UGGT2: variants seen among roughly 807,000 people sequenced by gnomAD.
UGGT2 encodes UDP-glucose glycoprotein glucosyltransferase 2.
Under a neutral mutation model 192.1 loss-of-function variants are expected in UGGT2, and 180 were observed. The ratio of observed to expected loss-of-function variants is 0.94; its 90% CI spans 0.83 to 1.06. UGGT2 has a LOEUF of 1.06. UGGT2 is among the 50% of genes least tolerant of loss of function. UGGT2 has a pLI of 0.00. For synonymous variants in UGGT2, 580 were observed against 591.0 expected, an observed-to-expected ratio of 0.98 and a Z score of 0.27; for missense variants, 1,849 against 1,795.7, an observed-to-expected ratio of 1.03 and a Z score of -0.54.
chr13:95,986,068 T>C (rs2140880274), intron 9 of UGGT2, among the ~76,000 whole-genome samples: 1 of 152,256 alleles, frequency 6.6e-6, no homozygotes, highest in African/African-American at 2.4e-5. Context: ...TTACTATGCA[T>C]GATTTTAGAA....
Position 95,949,425 on chromosome 13 carries a change from C to T in UGGT2, c.1365G>A (p.Leu455=), listed in dbSNP as rs35405829. ...GGCAACTTGTAGGCCATGTAATATA[C>T]AAATCATCATTTTCTAAGTCATTAA... ...MWINDLENDD[L]YITWPTSCQK... is the part of the protein sequence containing the mutation. Residue 455 remains leucine (L), a synonymous_variant, in exon 13 of 39, where the codon TTG becomes TTA. Coordinates refer to ENST00000376747, the MANE Select transcript of UGGT2 (RefSeq NM_020121.4). The T allele has an allele frequency of 0.033, 51,089 of 1,552,966 alleles. 1,752 individuals carry two copies. The highest frequency in any genetic ancestry group is 0.15 in the East Asian group (6,407 of 43,258).
rs80326255 is a variant in UGGT2, at chr13:95,936,851, A to T, written c.1977+73T>A. The T allele has an allele frequency of 9.5e-4, 1,235 of 1,305,360 alleles. 15 individuals are homozygous for T. The East Asian group carries it at 0.023, about 24-fold the overall frequency. 80.9% of individuals were successfully genotyped at this position (1,305,360 alleles called of 1,614,324 possible). A position where few individuals can be genotyped will look rare whatever the true frequency, so the allele number is the denominator to read the frequency against. On this transcript the variant is annotated intron_variant, in intron 17 of 38. Transcript: ENST00000376747. ...ATTTTTTACCAAATCAACTTCTGTC[A>T]TTAAAATAAGTTTTTAATAAAAACA...
chr13:95,845,845 G>A (rs983965881), intron 36 of UGGT2, among the ~76,000 whole-genome samples: 10 of 151,180 alleles, frequency 6.6e-5, no homozygotes, highest in Admixed American at 2.6e-4. Flanking sequence ...GGGCAGAGGC[G>A]CTCCCCACAT....
At chr13:95,867,774 T>G (rs1268787768) in intron 29 of UGGT2, among the ~76,000 whole-genome samples, 1 of 152,182 alleles carries the variant, frequency 6.6e-6, no homozygotes, top group East Asian at 1.9e-4. Context: ...TAGTGATAAT[T>G]ACAATTTTTT....
intron 4 of UGGT2, among the ~76,000 whole-genome samples, chr13:96,019,083 C>T (rs982017789): frequency 1.9e-5 from 2 of 102,986 alleles, no homozygotes; most frequent in East Asian, 2.9e-4. Flanking sequence ...CTGAAGTTCA[C>T]AAAAGGAAAA....
At chr13:95,995,986 G>A in intron 7 of UGGT2, 77 bp downstream of exon 7, 1 of 1,266,764 alleles carries the variant, frequency 7.9e-7, no homozygotes, top group Non-Finnish European at 1.1e-6. Flanking sequence ...GAAGCATATG[G>A]CAAAACAGTA....
At chr13:95,923,128 T>C (rs2048900838) in intron 20 of UGGT2, among the ~76,000 whole-genome samples, 1 of 152,146 alleles carries the variant, frequency 6.6e-6, no homozygotes, top group African/African-American at 2.4e-5. Flanking sequence ...CATAGCTCAC[T>C]GTAGTCTCAA....
At chr13:95,906,284 T>G (rs1401604123) in intron 20 of UGGT2, among the ~76,000 whole-genome samples, 4 of 152,184 alleles carry the variant, frequency 2.6e-5, no homozygotes, top group East Asian at 3.8e-4. Flanking sequence ...ATATAATTAA[T>G]TATTGGACAT....
chr13:95,969,505 G>GA (rs978759505), intron 12 of UGGT2, among the ~76,000 whole-genome samples: 2 of 151,906 alleles, frequency 1.3e-5, no homozygotes, highest in African/African-American at 4.8e-5. Context: ...ACCTAACTTT[G>GA]AAAAAGGAAT....
Position 95,970,171 on chromosome 13 carries a change from A to G in UGGT2, c.1276T>C (p.Leu426=). Residue 426 remains leucine (L), a synonymous_variant, in exon 12 of 39, where the codon TTA becomes CTA. Coordinates refer to ENST00000376747, the MANE Select transcript of UGGT2 (RefSeq NM_020121.4). Reference sequence around the variant, plus strand: ...GTATATTCCCAAATGTGTGAATTTAATTTTAAAAATTTGCTCATATCTTCC... The same window carrying G: ...GTATATTCCCAAATGTGTGAATTTAGTTTTAAAAATTTGCTCATATCTTCC... ...NGEDMSKFLK[L]NSHIWEYTYV... is the part of the protein sequence containing the mutation. 1 of 1,611,486 alleles carries G rather than the reference A, an allele frequency of 6.2e-7. No individual in the cohort carries two copies. The highest frequency in any genetic ancestry group is 8.5e-7 in the Non-Finnish European group (1 of 1,177,868).
chr13:96,023,887 A>C, intron 2 of UGGT2, 128 bp from the exon 3 acceptor site: 1 of 709,336 alleles, frequency 1.4e-6, no homozygotes, highest in East Asian at 3.5e-5. Context: ...ATAATGCTAG[A>C]GAAAAATGGA....
At chr13:96,031,240 GA>G (rs1424282641) in intron 2 of UGGT2, among the ~76,000 whole-genome samples, 2 of 151,680 alleles carry the variant, frequency 1.3e-5, no homozygotes, top group Admixed American at 1.3e-4. Flanking sequence ...TTTTAAAAAA[GA>G]AAAAAATGTA....
chr13:95,977,318 T>C (rs1408061195), intron 10 of UGGT2, among the ~76,000 whole-genome samples: 1 of 152,126 alleles, frequency 6.6e-6, no homozygotes, highest in Non-Finnish European at 1.5e-5. Context: ...AAAGGTCTAA[T>C]ATCCAGAATC....
At chr13:95,902,746 T>C in intron 21 of UGGT2, 108 bp downstream of exon 21, 2 of 1,078,474 alleles carry the variant, frequency 1.9e-6, no homozygotes, top group Non-Finnish European at 2.6e-6. Flanking sequence ...TTTATTATCT[T>C]CATTTGTTTA....
At chr13:96,012,876 G>A (rs2052207878) in intron 5 of UGGT2, among the ~76,000 whole-genome samples, 1 of 151,944 alleles carries the variant, frequency 6.6e-6, no homozygotes, top group African/African-American at 2.4e-5. Context: ...CAGGCTAGAG[G>A]AACGGGAACA....
At chr13:96,007,310 T>G (rs1359793856) in intron 5 of UGGT2, among the ~76,000 whole-genome samples, 3 of 151,894 alleles carry the variant, frequency 2.0e-5, no homozygotes, top group Non-Finnish European at 4.4e-5. Flanking sequence ...TCAAAATAAT[T>G]AAGGCCATAT....
Position 96,042,151 on chromosome 13 carries a change from T to C in UGGT2, c.159-10180A>G, listed in dbSNP as rs542466036. Among the ~76,000 whole-genome samples the C allele has an allele frequency of 5.9e-5, 9 of 152,232 alleles. No homozygotes were observed. In the South Asian group the frequency reaches 1.2e-3, roughly 21 times the overall value. The stretch of plus-strand genomic sequence containing the variant: ...CCCCTGCCACCTCCAGCAGAGCAGG[T>C]GCTGGTATCCACAGCTAAGAGACCC... On this transcript the variant is annotated intron_variant, in intron 1 of 38. Transcript: ENST00000376747.
chr13:95,830,318 G>T (rs948626959), intron 38 of UGGT2, among the ~76,000 whole-genome samples: 8 of 152,132 alleles, frequency 5.3e-5, no homozygotes, highest in Admixed American at 2.6e-4. Context: ...CACAGCAAAA[G>T]AAACTATCGT....
chr13:95,875,923 A>G (rs1891632703), intron 29 of UGGT2, among the ~76,000 whole-genome samples: 1 of 152,234 alleles, frequency 6.6e-6, no homozygotes, highest in Non-Finnish European at 1.5e-5. Flanking sequence ...ATTGAAAGCA[A>G]TGAAATCTAG....
Sources: allele counts gnomAD v4.1 joint callset (sites outside exome capture counted in the v4.1 genomes callset), GRCh38; gene constraint gnomAD v4.1.1; transcripts MANE v1.5; gene names NCBI Gene and HGNC (gene_info 2026-07-23, HGNC 2026-07-21).